The following PSD3 variants were observed in gnomAD, a reference collection of about 807,000 sequenced individuals.
PSD3 encodes pleckstrin and Sec7 domain containing 3.
PSD3 carries 49 observed loss-of-function variants against 105.5 expected under a neutral mutation model. That is an observed-to-expected ratio of 0.46 (90% confidence interval 0.37 to 0.59). PSD3 has a LOEUF of 0.59. PSD3 is among the 20% of genes least tolerant of loss of function. The pLI is 0.00. For synonymous variants in PSD3, 557 were observed against 457.8 expected (o/e 1.22, Z -2.77); for missense variants, 1,561 against 1,263.8 (o/e 1.24, Z -3.57).
intron 9 of PSD3, among the ~76,000 whole-genome samples, chr8:18,753,684 C>G (rs1045483411): frequency 5.3e-5 from 8 of 152,092 alleles, no homozygotes; most frequent in African/African-American, 1.9e-4. Flanking sequence ...CCTACATTAG[C>G]GCATTTTCTG....
chr8:19,077,915 A>G (rs1270642113), intron 1 of PSD3, among the ~76,000 whole-genome samples: 1 of 152,166 alleles, frequency 6.6e-6, no homozygotes, highest in Non-Finnish European at 1.5e-5. Context: ...AACTAATGTA[A>G]AGTTGAAGAG....
intron 11 of PSD3, among the ~76,000 whole-genome samples, chr8:18,615,425 C>T (rs1200901163): frequency 3.3e-5 from 5 of 152,082 alleles, no homozygotes. Flanking sequence ...CTTCCCCTCC[C>T]TTGTCCAAGT....
intron 2 of PSD3, among the ~76,000 whole-genome samples, chr8:18,906,517 C>CT (rs1819858872): frequency 6.6e-6 from 1 of 152,082 alleles, no homozygotes; most frequent in African/African-American, 2.4e-5. Context: ...TTACTACTTG[C>CT]TAGGAAGGCT....
intron 4 of PSD3, among the ~76,000 whole-genome samples, chr8:18,821,709 ACACACACACC>A (rs1812729271): frequency 7.1e-6 from 1 of 141,404 alleles, no homozygotes; most frequent in African/African-American, 2.6e-5. Context: ...ACACACACAC[ACACACACACC>A]CCAATAACAA....
intron 4 of PSD3, among the ~76,000 whole-genome samples, chr8:18,842,731 T>C (rs1402973424): frequency 2.0e-5 from 3 of 147,588 alleles, no homozygotes; most frequent in African/African-American, 5.0e-5. Flanking sequence ...AGACTCCGTC[T>C]AAAAAAAAAA....
At chr8:18,918,109 A>G (rs1242216769) in intron 2 of PSD3, among the ~76,000 whole-genome samples, 1 of 152,200 alleles carries the variant, frequency 6.6e-6, no homozygotes, top group African/African-American at 2.4e-5. Context: ...ACACACTTAC[A>G]GCATGCTTTA....
chr8:18,650,370 T>G (rs1808383013), intron 10 of PSD3, among the ~76,000 whole-genome samples: 1 of 152,188 alleles, frequency 6.6e-6, no homozygotes, highest in African/African-American at 2.4e-5. Flanking sequence ...CCTCAATGCC[T>G]TATATAGTTT....
intron 1 of PSD3, among the ~76,000 whole-genome samples, chr8:18,968,809 G>A (rs962850131): frequency 6.7e-6 from 1 of 149,532 alleles, no homozygotes; most frequent in African/African-American, 2.5e-5. Flanking sequence ...CCAGGAGGTG[G>A]AGGTTGCAGT....
chr8:18,919,488 A>G (rs1306521452), intron 2 of PSD3, among the ~76,000 whole-genome samples: 1 of 152,068 alleles, frequency 6.6e-6, no homozygotes, highest in African/African-American at 2.4e-5. Flanking sequence ...AAACAGAATC[A>G]GAATTACTGG....
chr8:18,667,815 C>G (rs960104898), intron 9 of PSD3, among the ~76,000 whole-genome samples: 1 of 152,206 alleles, frequency 6.6e-6, no homozygotes, highest in Non-Finnish European at 1.5e-5. Context: ...GCAGAGCCTC[C>G]GAGCCCTGCC....
chr8:18,914,159 A>T (rs1167067702), intron 2 of PSD3, among the ~76,000 whole-genome samples: 1 of 151,830 alleles, frequency 6.6e-6, no homozygotes, highest in Non-Finnish European at 1.5e-5. Context: ...ATAGACTCAT[A>T]AACAGCATTT....
chr8:19,041,585 T>G (rs80309721), intron 1 of PSD3, among the ~76,000 whole-genome samples: 5,097 of 152,320 alleles, frequency 0.033, 277 homozygotes, highest in African/African-American at 0.11. Context: ...AAGCTGTAAC[T>G]ACTGGAAATG....
intron 10 of PSD3, among the ~76,000 whole-genome samples, chr8:18,633,437 C>G (rs1030269242): frequency 2.0e-5 from 3 of 152,038 alleles, no homozygotes; most frequent in African/African-American, 7.2e-5. Flanking sequence ...TAGTCCCCAA[C>G]ATCTATTGTT....
At chr8:18,905,656 C>T (rs1356924808) in intron 2 of PSD3, among the ~76,000 whole-genome samples, 3 of 152,092 alleles carry the variant, frequency 2.0e-5, no homozygotes, top group South Asian at 4.1e-4. Context: ...ATTGCCTATA[C>T]TTTTCTATGC....
At chr8:18,680,602 T>C (rs1482026707) in intron 9 of PSD3, among the ~76,000 whole-genome samples, 2 of 152,174 alleles carry the variant, frequency 1.3e-5, no homozygotes, top group African/African-American at 4.8e-5. Flanking sequence ...ATCCTGCCCA[T>C]ATTATGTGCT....
At chr8:18,934,309 T>A (rs907738689) in intron 2 of PSD3, among the ~76,000 whole-genome samples, 1 of 152,232 alleles carries the variant, frequency 6.6e-6, no homozygotes. Context: ...ACTTATAATA[T>A]CGGCCTCAAA....
chr8:18,645,114 G>T (rs1385821427), intron 10 of PSD3, among the ~76,000 whole-genome samples: 5 of 152,126 alleles, frequency 3.3e-5, no homozygotes, highest in Non-Finnish European at 7.4e-5. Context: ...CATTAATTAG[G>T]GCAGAGCCCT....
At chr8:18,983,556 A>G (rs1264297948) in intron 1 of PSD3, among the ~76,000 whole-genome samples, 1 of 152,182 alleles carries the variant, frequency 6.6e-6, no homozygotes, top group East Asian at 1.9e-4. Context: ...ATAGTTATGA[A>G]TTGGATTAAT....
At chr8:18,667,540 T>C (rs192643490) in intron 9 of PSD3, among the ~76,000 whole-genome samples, 248 of 152,326 alleles carry the variant, frequency 1.6e-3, no homozygotes, top group African/African-American at 5.2e-3. Flanking sequence ...AGGGTGCTGA[T>C]TGGCGTGTTT....
Sources: gnomAD v4.1 joint callset for allele counts (sites outside exome capture counted in the v4.1 genomes callset) on GRCh38, gnomAD v4.1.1 for gene constraint, MANE v1.5 for transcripts, NCBI Gene and HGNC (gene_info 2026-07-23, HGNC 2026-07-21) for gene names.